Variants in DLG2 observed in about 807,000 individuals in gnomAD.
DLG2 encodes the protein disks large homolog 2.
In DLG2, 45 loss-of-function variants were observed where a neutral mutation model predicts 132.5. That is an observed-to-expected ratio of 0.34 (90% confidence interval 0.27 to 0.44). The LOEUF (loss-of-function observed/expected upper bound fraction) is 0.44, where lower values mean the gene tolerates loss of function less well. DLG2 is among the 20% of genes least tolerant of loss of function. DLG2 has a pLI of 1.00. For missense variants in DLG2, 1,045 were observed against 1,196.9 expected (o/e 0.87, Z 1.87); for synonymous variants, 424 against 419.6 (o/e 1.01, Z -0.13).
intron 6 of DLG2, among the ~76,000 whole-genome samples, chr11:84,538,584 C>T (rs970402803): frequency 5.3e-5 from 8 of 151,666 alleles, no homozygotes; most frequent in Non-Finnish European, 1.0e-4. Context: ...CTTTGTGCTT[C>T]CCTTACTCCC....
At chr11:84,391,363 C>T (rs1271989733) in intron 7 of DLG2, among the ~76,000 whole-genome samples, 1 of 151,890 alleles carries the variant, frequency 6.6e-6, no homozygotes, top group Admixed American at 6.6e-5. Context: ...CATAAGAAAC[C>T]AATGACAATG....
intron 19 of DLG2, among the ~76,000 whole-genome samples, chr11:83,623,124 G>T (rs999047518): frequency 6.6e-6 from 1 of 152,116 alleles, no homozygotes; most frequent in African/African-American, 2.4e-5. Context: ...ATTTAAGATA[G>T]TTAAGTCTTC....
chr11:84,102,078 A>ATC (rs2154183019), intron 9 of DLG2, among the ~76,000 whole-genome samples: 1 of 152,212 alleles, frequency 6.6e-6, no homozygotes, highest in South Asian at 2.1e-4. Context: ...CTTCTTGACT[A>ATC]TTTCAATTCT....
chr11:83,792,977 A>G (rs1324252701), intron 17 of DLG2, among the ~76,000 whole-genome samples: 1 of 152,138 alleles, frequency 6.6e-6, no homozygotes, highest in East Asian at 1.9e-4. Flanking sequence ...GACTTTTTCC[A>G]TTCTGATAGG....
intron 6 of DLG2, among the ~76,000 whole-genome samples, chr11:84,554,430 G>T (rs1301540148): frequency 3.9e-5 from 6 of 152,082 alleles, no homozygotes; most frequent in Admixed American, 1.3e-4. Flanking sequence ...CCTTCTAGTG[G>T]TGGTGACTAA....
Position 84,242,943 on chromosome 11 carries a change from A to C in DLG2, c.573+8295T>G, listed in dbSNP as rs541038759. 7.0e-4 allele frequency among the ~76,000 whole-genome samples: 106 copies of C among 151,580 alleles called. 2 individuals carry two copies. In the South Asian group the frequency reaches 0.02, roughly 29 times the overall value. On this transcript the variant is annotated intron_variant, in intron 8 of 27. Coordinates refer to ENST00000376104, the MANE Select transcript of DLG2 (RefSeq NM_001142699.3). Reference sequence around the variant, plus strand: ...AATAGTCAACTTAAAAAAGGAGGAAATTAAACCAACACACAAAAATTGGAA... The same window carrying C: ...AATAGTCAACTTAAAAAAGGAGGAACTTAAACCAACACACAAAAATTGGAA...
intron 6 of DLG2, among the ~76,000 whole-genome samples, chr11:84,815,166 A>C (rs915290532): frequency 2.6e-5 from 4 of 152,140 alleles, no homozygotes; most frequent in African/African-American, 9.7e-5. Context: ...TTTGTAGGAA[A>C]TACAATTTAA....
At chr11:84,400,213 T>C (rs1263782336) in intron 7 of DLG2, among the ~76,000 whole-genome samples, 1 of 152,242 alleles carries the variant, frequency 6.6e-6, no homozygotes, top group Non-Finnish European at 1.5e-5. Context: ...GCTTTATAAT[T>C]TCAAAAGAGC....
chr11:83,461,735 G>A (rs2090069358), intron 27 of DLG2: 1 of 380,892 alleles, frequency 2.6e-6, no homozygotes, highest in Non-Finnish European at 4.8e-6. Context: ...CATGGTAGGA[G>A]ATAGCTCAGG....
chr11:84,601,331 A>T (rs1159199795), intron 6 of DLG2, among the ~76,000 whole-genome samples: 4 of 152,150 alleles, frequency 2.6e-5, no homozygotes, highest in Non-Finnish European at 4.4e-5. Flanking sequence ...CATGTAATTA[A>T]GAAGCATTAG....
intron 6 of DLG2, chr11:84,887,096 T>C (rs2088462236): frequency 1.3e-5 from 2 of 152,144 alleles, no homozygotes; most frequent in South Asian, 2.1e-4. Flanking sequence ...TTTTCAGTTA[T>C]ACAATGTTAA....
At chr11:85,041,583 G>A (rs1467690490) in intron 6 of DLG2, among the ~76,000 whole-genome samples, 1 of 151,890 alleles carries the variant, frequency 6.6e-6, no homozygotes, top group Non-Finnish European at 1.5e-5. Flanking sequence ...CATAGAAAAT[G>A]TTTTAGAGAG....
rs1380600385 is a variant in DLG2, at chr11:84,512,358, T to C, written c.519+22212A>G. Among the ~76,000 whole-genome samples the C allele has an allele frequency of 2.6e-5, 4 of 152,072 alleles. No individual in the cohort carries two copies. The East Asian group carries it at 5.8e-4, about 22-fold the overall frequency. On this transcript the variant is annotated intron_variant, in intron 7 of 27. Transcript: ENST00000376104. ...AACATAGAGAGCACTTCAGGCAAAA[T>C]AGAACTGACAGTACCTTTAAAAAAA...
intron 18 of DLG2, among the ~76,000 whole-genome samples, chr11:83,775,549 C>A (rs534855178): frequency 1.3e-5 from 2 of 152,172 alleles, no homozygotes; most frequent in Non-Finnish European, 2.9e-5. Context: ...AGGTGTCAGG[C>A]CTGTAGTGAG....
intron 7 of DLG2, among the ~76,000 whole-genome samples, chr11:84,380,875 A>G (rs1276994632): frequency 6.6e-6 from 1 of 152,008 alleles, no homozygotes; most frequent in Non-Finnish European, 1.5e-5. Flanking sequence ...TCCAAGAGCT[A>G]CATTTCATAT....
At chr11:85,007,944 T>C (rs2058836869) in intron 6 of DLG2, among the ~76,000 whole-genome samples, 1 of 152,136 alleles carries the variant, frequency 6.6e-6, no homozygotes, top group Non-Finnish European at 1.5e-5. Context: ...AATTCAGAAA[T>C]ATTTGGATTT....
chr11:85,569,071 G>A (rs376524893), intron 3 of DLG2, among the ~76,000 whole-genome samples: 24 of 152,018 alleles, frequency 1.6e-4, no homozygotes, highest in Middle Eastern at 3.4e-3. Flanking sequence ...TCGCTCTGTC[G>A]CCCAGGCTCA....
At position 84,130,624 on chromosome 11, in the gene DLG2, C is replaced by T. The variant is rs576939024; in HGVS notation, c.625-31577G>A. 2.6e-5 allele frequency among the ~76,000 whole-genome samples: 4 copies of T among 151,460 alleles called. No homozygotes were observed. The East Asian group carries it at 7.8e-4, about 29-fold the overall frequency. ...ATATAAAAATCTGTATATGATCGTT[C>T]TTAAGCAGCTACTAAGGTAAAATAA... On this transcript the variant is annotated intron_variant, in intron 9 of 27. Transcript: ENST00000376104.
chr11:85,344,624 T>C (rs773989351), intron 3 of DLG2, among the ~76,000 whole-genome samples: 1 of 152,206 alleles, frequency 6.6e-6, no homozygotes, highest in Non-Finnish European at 1.5e-5. Flanking sequence ...TTGCTTATTC[T>C]AATAAGACAC....
Sources: allele counts gnomAD v4.1 joint callset (sites outside exome capture counted in the v4.1 genomes callset), GRCh38; gene constraint gnomAD v4.1.1; transcripts MANE v1.5; gene names NCBI Gene and HGNC (gene_info 2026-07-23, HGNC 2026-07-21).